The following USP40 variants were observed in gnomAD, a reference collection of about 807,000 sequenced individuals.
The protein encoded by USP40 is ubiquitin specific peptidase 40.
In USP40, 143 loss-of-function variants were observed where a neutral mutation model predicts 166.2. The observed-to-expected ratio is 0.86, with a 90% confidence interval of 0.75 to 0.99. The LOEUF is 0.99. Ranked by LOEUF, USP40 falls within the 50% of genes least tolerant of loss-of-function variation. The pLI, the probability that USP40 is intolerant of heterozygous loss-of-function variation, is 0.00. For missense variants in USP40, 1,444 were observed against 1,479.7 expected (o/e 0.98, Z 0.40); for synonymous variants, 498 against 524.0 (o/e 0.95, Z 0.68).
At chr2:233,512,524 C>T in intron 19 of USP40, 45 bp downstream of exon 19, 2 of 1,401,994 alleles carry the variant, frequency 1.4e-6, no homozygotes, top group South Asian at 1.4e-5. Context: ...TCAAGAAAGA[C>T]AGACGAGTAT....
chr2:233,481,526 C>A, intron 30 of USP40: 2 of 540,346 alleles, frequency 3.7e-6, no homozygotes, highest in Admixed American at 3.3e-5. Context: ...TGACCTTTCC[C>A]TTCAGCTCCA....
At chr2:233,551,338 G>A in intron 7 of USP40, 38 bp downstream of exon 7, 2 of 1,560,928 alleles carry the variant, frequency 1.3e-6, no homozygotes, top group East Asian at 2.3e-5. Context: ...AATCTTGAGA[G>A]GGGAAAAGAA....
intron 7 of USP40, among the ~76,000 whole-genome samples, chr2:233,550,706 T>C (rs920151396): frequency 1.3e-4 from 20 of 152,220 alleles, no homozygotes; most frequent in African/African-American, 4.3e-4. Context: ...GACCTTGGTA[T>C]GTACAGCAAT....
At chr2:233,523,617 G>T in intron 15 of USP40, 128 bp from the exon 16 acceptor site, 2 of 891,008 alleles carry the variant, frequency 2.2e-6, no homozygotes, top group Non-Finnish European at 3.3e-6. Flanking sequence ...TTTCACAAAT[G>T]TCTGTTAAGC....
chr2:233,542,113 A>G (rs569362867), intron 9 of USP40, among the ~76,000 whole-genome samples, 155 bp downstream of exon 9: 7 of 152,244 alleles, frequency 4.6e-5, no homozygotes, highest in Non-Finnish European at 1.0e-4. Context: ...CATCATTAAA[A>G]TATAGATACA....
intron 31 of USP40, among the ~76,000 whole-genome samples, chr2:233,478,738 C>T (rs1314446532): frequency 6.6e-6 from 1 of 152,170 alleles, no homozygotes; most frequent in African/African-American, 2.4e-5. Context: ...CAGGACACCA[C>T]GCTCCCACCA....
At chr2:233,527,039 C>T (rs554250109) in intron 13 of USP40, among the ~76,000 whole-genome samples, 3 of 152,202 alleles carry the variant, frequency 2.0e-5, no homozygotes, top group African/African-American at 4.8e-5. Context: ...AAGTTAGTTG[C>T]GTTTATTTGT....
At chr2:233,541,173 C>A (rs193281554) in intron 9 of USP40, among the ~76,000 whole-genome samples, 29 of 152,266 alleles carry the variant, frequency 1.9e-4, no homozygotes, top group African/African-American at 5.3e-4. Context: ...TAAACAAGTT[C>A]TAAAAGGGGG....
At chr2:233,514,268 G>A (rs560457433) in intron 18 of USP40, among the ~76,000 whole-genome samples, 17 of 152,188 alleles carry the variant, frequency 1.1e-4, no homozygotes, top group Non-Finnish European at 2.4e-4. Flanking sequence ...AGTGATAAAT[G>A]CTATGAAGGA....
Position 233,525,523 on chromosome 2 carries a change from C to G in USP40, c.1765G>C (p.Ala589Pro). 1 of 1,613,100 alleles carries G rather than the reference C, an allele frequency of 6.2e-7. No individual in the cohort carries two copies. Among genetic ancestry groups the G allele is most frequent in the Non-Finnish European group, 8.5e-7 (1 of 1,179,402 alleles). Reference protein sequence around the residue: ...FWEGDMVLSVAKLVPAGLHIY... With the variant: ...FWEGDMVLSVPKLVPAGLHIY... ...TGAAGTCCTGCTGGTACAAGCTTTG[C>G]AACACTAAGAACCATGTCTCCTTCC... is the stretch of plus-strand genomic sequence containing the variant. The change falls in exon 14 of 32, where the codon GCA (alanine) becomes CCA (proline). Residue 589 changes from alanine to proline, a missense_variant. By Grantham distance (27) the Ala-to-Pro change is conservative (BLOSUM62 -1). Transcript: ENST00000678225.
In USP40 at chr2:233,500,038, C is replaced by A. The variant is rs749671635; in HGVS notation, c.2614-123G>T. 8.5e-6 allele frequency: 6 copies of A among 707,742 alleles called. No homozygotes were observed. In the East Asian group the frequency reaches 1.2e-4, roughly 14 times the overall value. 43.8% of individuals were successfully genotyped at this position (707,742 alleles called of 1,614,324 possible). On this transcript the variant is annotated intron_variant, in intron 21 of 31. Coordinates refer to ENST00000678225, the MANE Select transcript of USP40 (RefSeq NM_001365479.2). Reference sequence around the variant, plus strand: ...CTATATTTAATGATTCTTGAATAGGCAAGGATAGACATAGTTAAGAAGATA... The same window carrying A: ...CTATATTTAATGATTCTTGAATAGGAAAGGATAGACATAGTTAAGAAGATA...
chr2:233,544,935 AATT>A (rs1199647383), intron 8 of USP40, among the ~76,000 whole-genome samples: 1 of 152,158 alleles, frequency 6.6e-6, no homozygotes, highest in African/African-American at 2.4e-5. Flanking sequence ...TAAAACCATC[AATT>A]TGATGTTGTT....
Position 233,504,224 on chromosome 2 carries a change from C to T in USP40, c.2614-4309G>A, listed in dbSNP as rs146004282. 2.5e-3 allele frequency among the ~76,000 whole-genome samples: 372 copies of T among 151,754 alleles called. 2 individuals are homozygous for T. The highest frequency in any genetic ancestry group is 8.4e-3 in the African/African-American group (348 of 41,410). On this transcript the variant is annotated intron_variant, in intron 21 of 31. Transcript: ENST00000678225. The stretch of plus-strand genomic sequence containing the variant: ...ACCATCAAACCACAGAAGTAAACAA[C>T]CAGAAAGGAAGAAAAAGATCTACAA...
intron 21 of USP40, among the ~76,000 whole-genome samples, chr2:233,500,462 A>T (rs191887022): frequency 2.7e-3 from 418 of 152,328 alleles, no homozygotes; most frequent in Non-Finnish European, 4.1e-3. Context: ...CAAAAATAGT[A>T]ATTAAAACAA....
chr2:233,554,030 C>A (rs908173612), intron 6 of USP40, among the ~76,000 whole-genome samples: 2 of 152,126 alleles, frequency 1.3e-5, no homozygotes, highest in African/African-American at 4.8e-5. Flanking sequence ...TGAAGACAGC[C>A]ATCTACTTTC....
intron 8 of USP40, among the ~76,000 whole-genome samples, chr2:233,543,501 T>C (rs2069614288): frequency 6.6e-6 from 1 of 152,172 alleles, no homozygotes; most frequent in Non-Finnish European, 1.5e-5. Context: ...AATTCATACG[T>C]TGAAACCTAA....
chr2:233,494,963 TA>T (rs2065643087), intron 24 of USP40, among the ~76,000 whole-genome samples: 4 of 70,288 alleles, frequency 5.7e-5, no homozygotes, highest in African/African-American at 3.2e-4. Context: ...TATTTATATA[TA>T]TATATATATA....
intron 7 of USP40, among the ~76,000 whole-genome samples, chr2:233,549,478 C>T (rs764323776): frequency 4.6e-5 from 7 of 151,976 alleles, no homozygotes; most frequent in Admixed American, 3.9e-4. Context: ...CTGAAAAATA[C>T]GTTACTTTTA....
At chr2:233,481,153 G>A in intron 31 of USP40, 50 bp downstream of exon 31, 1 of 1,506,266 alleles carries the variant, frequency 6.6e-7, no homozygotes, top group East Asian at 2.4e-5. Flanking sequence ...ATAAGAGAGA[G>A]TCAGAGAGGG....
Sources: gnomAD v4.1 joint callset for allele counts (sites outside exome capture counted in the v4.1 genomes callset) on GRCh38, gnomAD v4.1.1 for gene constraint, MANE v1.5 for transcripts, NCBI Gene and HGNC (gene_info 2026-07-23, HGNC 2026-07-21) for gene names.